The following ROS1 variants were observed in gnomAD, a reference collection of about 807,000 sequenced individuals.
The protein encoded by ROS1 is proto-oncogene tyrosine-protein kinase ROS.
A neutral mutation model predicts 273.5 loss-of-function variants in ROS1; 263 were observed. The ratio of observed to expected loss-of-function variants is 0.96; its 90% CI spans 0.87 to 1.06. The LOEUF (loss-of-function observed/expected upper bound fraction) is 1.06. Among genes scored for constraint, ROS1 ranks in the 50% least tolerant of loss-of-function variants. The probability of loss-of-function intolerance (pLI) is 0.00; values close to 1 mark genes in which losing one functional copy is unlikely to be tolerated. For synonymous variants in ROS1, 1,008 were observed against 954.1 expected (o/e 1.06, Z -1.04); for missense variants, 2,833 against 2,751.1 (o/e 1.03, Z -0.67).
At chr6:117,310,380 A>ATT (rs372650546) in intron 40 of ROS1, 99 bp from the exon 41 acceptor site, 20,306 of 675,942 alleles carry the variant, frequency 0.03, 72 homozygotes, top group Middle Eastern at 0.034. Flanking sequence ...AAGAGAAACT[A>ATT]TTTTTTTTTT....
intron 43 of ROS1, among the ~76,000 whole-genome samples, chr6:117,290,366 ATCT>A (rs1277958644): frequency 6.6e-6 from 1 of 152,242 alleles, no homozygotes; most frequent in Non-Finnish European, 1.5e-5. Context: ...CAATTAGTAC[ATCT>A]TCTTGTTGCA....
At chr6:117,372,804 G>A (rs1322987186) in intron 18 of ROS1, among the ~76,000 whole-genome samples, 1 of 152,166 alleles carries the variant, frequency 6.6e-6, no homozygotes. Context: ...TTATCACAAA[G>A]AGCAAAAGAA....
In ROS1 at chr6:117,416,284, C is replaced by A. The variant is rs1285596214; in HGVS notation, c.202G>T (p.Asp68Tyr). ...IQGCHFWNSV[D>Y]QKNCALKCND... Reference sequence around the variant, plus strand: ...CACTTTAAAGCACAGTTTTTCTGATCTACAGAGTTCCAAAAGTGACATCCT... The same window carrying A: ...CACTTTAAAGCACAGTTTTTCTGATATACAGAGTTCCAAAAGTGACATCCT... The change falls in exon 3 of 44, where the codon GAT becomes TAT. Residue 68 changes from aspartate to tyrosine, a missense_variant. By Grantham distance (160) the Asp-to-Tyr change is radical. Coordinates refer to ENST00000368507, the MANE Select transcript of ROS1 (RefSeq NM_001378902.1). 4 of 1,599,504 alleles carry A rather than the reference C, an allele frequency of 2.5e-6. No homozygotes were observed. The South Asian group carries it at 4.4e-5, about 18-fold the overall frequency.
chr6:117,406,530 C>T (rs1394481861), intron 5 of ROS1, among the ~76,000 whole-genome samples: 1 of 152,058 alleles, frequency 6.6e-6, no homozygotes, highest in South Asian at 2.1e-4. Flanking sequence ...AAAAATAAAG[C>T]ATTGATTACA....
intron 18 of ROS1, among the ~76,000 whole-genome samples, chr6:117,373,548 C>T (rs960766659): frequency 1.3e-5 from 2 of 152,222 alleles, no homozygotes; most frequent in Non-Finnish European, 1.5e-5. Context: ...CCTCACTGCC[C>T]GGGGCTGGTG....
At chr6:117,391,540 C>T (rs1773068628) in intron 12 of ROS1, among the ~76,000 whole-genome samples, 1 of 152,074 alleles carries the variant, frequency 6.6e-6, no homozygotes, top group Non-Finnish European at 1.5e-5. Flanking sequence ...ATTTGCAGTG[C>T]AAAAAGAACA....
At chr6:117,404,095 C>T (rs985290102) in intron 6 of ROS1, among the ~76,000 whole-genome samples, 185 bp downstream of exon 6, 13 of 152,132 alleles carry the variant, frequency 8.5e-5, no homozygotes, top group African/African-American at 3.1e-4. Flanking sequence ...ATTAGCCGGG[C>T]GCGATGGCGG....
intron 43 of ROS1, among the ~76,000 whole-genome samples, chr6:117,299,904 T>C (rs1004065029): frequency 1.3e-5 from 2 of 149,574 alleles, no homozygotes; most frequent in African/African-American, 4.9e-5. Context: ...TATAGTAGAA[T>C]GGTTCCAGAA....
At chr6:117,405,408 A>T (rs1774317398) in intron 5 of ROS1, among the ~76,000 whole-genome samples, 1 of 152,180 alleles carries the variant, frequency 6.6e-6, no homozygotes, top group Admixed American at 6.5e-5. Context: ...GACTATTATA[A>T]CTGAATAAGC....
intron 5 of ROS1, among the ~76,000 whole-genome samples, chr6:117,408,175 T>A (rs374151383): frequency 6.6e-6 from 1 of 151,610 alleles, no homozygotes; most frequent in Non-Finnish European, 1.5e-5. Flanking sequence ...TGTCTAAAAC[T>A]CCAAAAGCAA....
At chr6:117,378,639 T>C (rs1397225628) in intron 18 of ROS1, among the ~76,000 whole-genome samples, 2 of 152,190 alleles carry the variant, frequency 1.3e-5, no homozygotes, top group African/African-American at 2.4e-5. Context: ...GATGTAGAGA[T>C]ACCGACAAGA....
At chr6:117,388,740 C>A (rs1230947515) in intron 13 of ROS1, among the ~76,000 whole-genome samples, 4 of 152,170 alleles carry the variant, frequency 2.6e-5, no homozygotes, top group Admixed American at 2.6e-4. Flanking sequence ...GACCTCTGTG[C>A]TAGATACTGT....
intron 1 of ROS1, among the ~76,000 whole-genome samples, chr6:117,423,929 A>T (rs1253801952): frequency 6.6e-6 from 1 of 152,172 alleles, no homozygotes; most frequent in Non-Finnish European, 1.5e-5. Flanking sequence ...TCACTGGTCA[A>T]ATTGGCAGAC....
At chr6:117,399,042 TGAGGC>T (rs1773737796) in intron 7 of ROS1, among the ~76,000 whole-genome samples, 1 of 151,340 alleles carries the variant, frequency 6.6e-6, no homozygotes, top group African/African-American at 2.4e-5. Context: ...AATAGGGTTA[TGAGGC>T]AATTAACACA....
intron 7 of ROS1, among the ~76,000 whole-genome samples, chr6:117,402,091 G>T (rs1030818253): frequency 7.2e-5 from 11 of 152,142 alleles, no homozygotes; most frequent in African/African-American, 2.7e-4. Context: ...ATCAGATCGT[G>T]TCACTCCTCT....
Position 117,394,718 on chromosome 6 carries a change from G to A in ROS1, c.904C>T (p.Leu302Phe), listed in dbSNP as rs868473694. The A allele has an allele frequency of 6.2e-7, 1 of 1,609,942 alleles. No individual in the cohort carries two copies. The highest frequency in any genetic ancestry group is 1.7e-5 in the Admixed American group (1 of 59,196). ...SSAVQQEEQW[L>F]FLSRKTSLRK... is the part of the protein sequence containing the mutation. ...AGAGAAGTTTTTCTGGATAAAAAGA[G>A]CCACTGTTCCTCTTGTTGAACTGAA... is the stretch of plus-strand genomic sequence containing the variant. Residue 302 changes from leucine to phenylalanine, a missense_variant, in exon 10 of 44, where the codon CTC becomes TTC. By Grantham distance (22) the Leu-to-Phe change is conservative (BLOSUM62 0). Coordinates refer to ENST00000368507, the MANE Select transcript of ROS1 (RefSeq NM_001378902.1).
chr6:117,328,404 C>T (rs1330114936), intron 33 of ROS1: 1 of 290,572 alleles, frequency 3.4e-6, no homozygotes, highest in East Asian at 5.0e-5. Context: ...ATTACAGTCA[C>T]AAACCACCAA....
rs1456965447 is a variant in ROS1, at chr6:117,365,197, G to A, written c.2966C>T (p.Ala989Val). The A allele has an allele frequency of 2.8e-5, 44 of 1,594,092 alleles. No homozygotes were observed. Among genetic ancestry groups the A allele is most frequent in the Non-Finnish European group, 3.8e-5 (44 of 1,171,720 alleles). Residue 989 changes from alanine (A) to valine (V), a missense_variant, in exon 21 of 44, where the codon GCT (alanine) becomes GTT (valine). Physicochemically the swap from Ala to Val is moderately conservative, Grantham distance 64. Coordinates refer to ENST00000368507, the MANE Select transcript of ROS1 (RefSeq NM_001378902.1). ...VEFSAHSKFLASEQHSLPVFT... is the reference protein window; with the variant it reads ...VEFSAHSKFLVSEQHSLPVFT... Reference sequence around the variant, plus strand: ...TACAGGTAAAGAGTGTTGTTCACTAGCCAAGAACTAAAATATAAACAGAAA... The same window carrying A: ...TACAGGTAAAGAGTGTTGTTCACTAACCAAGAACTAAAATATAAACAGAAA...
intron 1 of ROS1, among the ~76,000 whole-genome samples, chr6:117,420,857 C>A (rs1381853332): frequency 6.6e-6 from 1 of 151,682 alleles, no homozygotes; most frequent in Non-Finnish European, 1.5e-5. Context: ...CTGTTAACAG[C>A]CTTTTGCATA....
Sources: gnomAD v4.1 joint callset for allele counts (sites outside exome capture counted in the v4.1 genomes callset) on GRCh38, gnomAD v4.1.1 for gene constraint, MANE v1.5 for transcripts, NCBI Gene and HGNC (gene_info 2026-07-23, HGNC 2026-07-21) for gene names.